GPC5: variants seen among roughly 807,000 people sequenced by gnomAD.
GPC5 encodes glypican 5.
GPC5 carries 47 observed loss-of-function variants against 53.9 expected under a neutral mutation model. The observed-to-expected ratio is 0.87, with a 90% CI of 0.69 to 1.11. GPC5 has a LOEUF of 1.11. GPC5 is among the 50% of genes most tolerant of loss of function. The pLI, the probability that GPC5 is intolerant of heterozygous loss-of-function variation, is 0.00. For missense variants in GPC5, 748 were observed against 713.1 expected, an observed-to-expected ratio of 1.05 and a Z score of -0.56; for synonymous variants, 286 against 263.3, an observed-to-expected ratio of 1.09 and a Z score of -0.84.
intron 2 of GPC5, among the ~76,000 whole-genome samples, chr13:91,570,664 A>G (rs565185930): frequency 1.3e-5 from 2 of 152,276 alleles, no homozygotes; most frequent in South Asian, 4.1e-4. Context: ...TAGAGCTTGA[A>G]TTTGAATCTC....
intron 7 of GPC5, among the ~76,000 whole-genome samples, chr13:92,186,508 A>G (rs185310061): frequency 6.6e-5 from 10 of 152,204 alleles, no homozygotes; most frequent in African/African-American, 2.4e-4. Flanking sequence ...TATATTAACT[A>G]GTATTGGATA....
At chr13:92,066,098 G>A (rs752073123) in intron 6 of GPC5, among the ~76,000 whole-genome samples, 214 of 152,102 alleles carry the variant, frequency 1.4e-3, no homozygotes, top group Non-Finnish European at 2.5e-3. Context: ...TTTTGTAAAA[G>A]GGAGGCAGAA....
chr13:91,910,945 T>C (rs534743125), intron 6 of GPC5, among the ~76,000 whole-genome samples: 2 of 151,786 alleles, frequency 1.3e-5, no homozygotes, highest in East Asian at 3.9e-4. Flanking sequence ...TAGGGAAAGA[T>C]ATTTAAGAAG....
chr13:91,620,599 T>C (rs1478658983), intron 2 of GPC5, among the ~76,000 whole-genome samples: 1 of 152,156 alleles, frequency 6.6e-6, no homozygotes, highest in Non-Finnish European at 1.5e-5. Flanking sequence ...TGCCATAAGA[T>C]GGCTTAAGTT....
intron 3 of GPC5, among the ~76,000 whole-genome samples, chr13:91,710,425 C>T (rs533986282): frequency 6.6e-6 from 1 of 152,228 alleles, no homozygotes; most frequent in Admixed American, 6.5e-5. Flanking sequence ...ATATTATTAG[C>T]GTTGTATCTG....
At chr13:92,349,784 G>A (rs2043460336) in intron 7 of GPC5, among the ~76,000 whole-genome samples, 1 of 152,024 alleles carries the variant, frequency 6.6e-6, no homozygotes, top group Admixed American at 6.6e-5. Flanking sequence ...AAGACCTGAT[G>A]GCTTATGGTT....
intron 7 of GPC5, among the ~76,000 whole-genome samples, chr13:92,171,496 C>T (rs188496651): frequency 6.6e-6 from 1 of 152,226 alleles, no homozygotes; most frequent in African/African-American, 2.4e-5. Flanking sequence ...AATTACTGTT[C>T]TTGATATTCT....
intron 2 of GPC5, among the ~76,000 whole-genome samples, chr13:91,606,801 A>T: frequency 6.6e-6 from 1 of 151,988 alleles, no homozygotes; most frequent in Admixed American, 6.6e-5. Flanking sequence ...CGGTGGTGAT[A>T]TCCCCTTTAT....
intron 7 of GPC5, among the ~76,000 whole-genome samples, chr13:92,725,670 A>G (rs1451455437): frequency 6.6e-6 from 1 of 151,652 alleles, no homozygotes; most frequent in African/African-American, 2.4e-5. Flanking sequence ...TAAAAATCAC[A>G]CGTTCAAATT....
At chr13:92,805,508 C>T (rs1200361343) in intron 7 of GPC5, among the ~76,000 whole-genome samples, 2 of 152,122 alleles carry the variant, frequency 1.3e-5, no homozygotes, top group African/African-American at 2.4e-5. Context: ...ATGATCATGC[C>T]TCACTGCAGC....
chr13:91,949,287 T>G (rs2139056730), intron 6 of GPC5, among the ~76,000 whole-genome samples: 1 of 152,290 alleles, frequency 6.6e-6, no homozygotes, highest in Admixed American at 6.5e-5. Context: ...ACTTCCCAGT[T>G]TAACCTAGGG....
At chr13:92,527,889 G>T (rs770381659) in intron 7 of GPC5, among the ~76,000 whole-genome samples, 9 of 152,050 alleles carry the variant, frequency 5.9e-5, no homozygotes, top group Non-Finnish European at 1.3e-4. Context: ...ATATTTAAGT[G>T]TGACTTAGTT....
chr13:91,435,724 C>T (rs1398273248), intron 1 of GPC5, among the ~76,000 whole-genome samples: 1 of 152,174 alleles, frequency 6.6e-6, no homozygotes, highest in Admixed American at 6.5e-5. Context: ...GGAGGATTCC[C>T]TCTTTTTCTA....
chr13:91,893,274 C>T (rs1047824699), intron 5 of GPC5, among the ~76,000 whole-genome samples: 5 of 151,944 alleles, frequency 3.3e-5, no homozygotes, highest in Non-Finnish European at 7.4e-5. Context: ...AAATGTATGC[C>T]AATGACTTTG....
chr13:92,420,598 A>G (rs1195755323), intron 7 of GPC5, among the ~76,000 whole-genome samples: 1 of 151,936 alleles, frequency 6.6e-6, no homozygotes, highest in Admixed American at 6.6e-5. Flanking sequence ...TTCAAACTGT[A>G]TTTTTTGTAT....
intron 7 of GPC5, among the ~76,000 whole-genome samples, chr13:92,632,270 A>G (rs1313339292): frequency 6.6e-6 from 1 of 152,110 alleles, no homozygotes; most frequent in African/African-American, 2.4e-5. Context: ...TTAAGCTCAG[A>G]TAGACTTGAA....
chr13:91,595,355 T>C (rs1307303446), intron 2 of GPC5, among the ~76,000 whole-genome samples: 1 of 152,190 alleles, frequency 6.6e-6, no homozygotes, highest in Non-Finnish European at 1.5e-5. Context: ...TTTAAATTTA[T>C]AGACATATCC....
intron 1 of GPC5, among the ~76,000 whole-genome samples, chr13:91,412,573 A>T (rs1023784092): frequency 2.6e-5 from 4 of 152,256 alleles, no homozygotes; most frequent in African/African-American, 9.6e-5. Flanking sequence ...TGAAAAAAGA[A>T]CATAAAGAGG....
At chr13:92,514,531 G>A (rs947185689) in intron 7 of GPC5, among the ~76,000 whole-genome samples, 1 of 152,082 alleles carries the variant, frequency 6.6e-6, no homozygotes. Context: ...TATGGGGTAG[G>A]CACTGTATTA....
Sources: gnomAD v4.1 joint callset for allele counts (sites outside exome capture counted in the v4.1 genomes callset) on GRCh38, gnomAD v4.1.1 for gene constraint, MANE v1.5 for transcripts, NCBI Gene and HGNC (gene_info 2026-07-23, HGNC 2026-07-21) for gene names.